Variants in DPYD observed in about 807,000 individuals in gnomAD.
The protein encoded by DPYD is dihydropyrimidine dehydrogenase [NADP(+)].
In DPYD, 109 loss-of-function variants were observed where a neutral mutation model predicts 116.2. That is an observed-to-expected ratio of 0.94 (90% CI 0.80 to 1.10). DPYD has a LOEUF of 1.10. Among genes scored for constraint, DPYD ranks in the 50% least tolerant of loss-of-function variants. DPYD has a pLI of 0.00. For synonymous variants in DPYD, 440 were observed against 432.0 expected, an observed-to-expected ratio of 1.02 and a Z score of -0.23; for missense variants, 1,302 against 1,254.5, an observed-to-expected ratio of 1.04 and a Z score of -0.57.
chr1:97,609,905 A>G (rs1655828178), intron 8 of DPYD, among the ~76,000 whole-genome samples: 1 of 152,018 alleles, frequency 6.6e-6, no homozygotes. Flanking sequence ...GATTTTAGGT[A>G]AGCCACACCC....
At chr1:97,477,713 C>T (rs373442044) in intron 13 of DPYD, among the ~76,000 whole-genome samples, 4 of 150,238 alleles carry the variant, frequency 2.7e-5, no homozygotes, top group Non-Finnish European at 5.9e-5. Flanking sequence ...CTCTGCTTCC[C>T]GGGTTCACGC....
At chr1:97,285,874 A>G (rs1211838000) in intron 18 of DPYD, among the ~76,000 whole-genome samples, 1 of 152,116 alleles carries the variant, frequency 6.6e-6, no homozygotes, top group African/African-American at 2.4e-5. Context: ...CGAGTGTCCA[A>G]TCACAAACCT....
intron 8 of DPYD, among the ~76,000 whole-genome samples, chr1:97,655,211 T>C (rs989649380): frequency 1.3e-5 from 2 of 152,200 alleles, no homozygotes; most frequent in Non-Finnish European, 2.9e-5. Context: ...AAAAAAACTT[T>C]GGCAATTAAT....
At chr1:97,449,916 CTT>C (rs1676313289) in intron 14 of DPYD, 141 bp downstream of exon 14, 3 of 1,049,234 alleles carry the variant, frequency 2.9e-6, no homozygotes, top group Non-Finnish European at 4.1e-6. Context: ...TCTTTTTTAT[CTT>C]TCTATGCATC....
At chr1:97,444,770 T>C (rs1320687644) in intron 14 of DPYD, among the ~76,000 whole-genome samples, 1 of 152,162 alleles carries the variant, frequency 6.6e-6, no homozygotes, top group African/African-American at 2.4e-5. Flanking sequence ...CTACTGGACA[T>C]AGGTTCTTAA....
intron 5 of DPYD, among the ~76,000 whole-genome samples, chr1:97,716,167 T>C (rs938641105): frequency 6.6e-6 from 1 of 152,102 alleles, no homozygotes; most frequent in Non-Finnish European, 1.5e-5. Context: ...TGTATTAGTG[T>C]ATATTTACCA....
Position 97,515,857 on chromosome 1 carries a change from T to C in DPYD, c.1609A>G (p.Met537Val). 1 of 1,612,976 alleles carries C rather than the reference T, an allele frequency of 6.2e-7. No individual in the cohort carries two copies. The highest frequency in any genetic ancestry group is 8.5e-7 in the Non-Finnish European group (1 of 1,179,278). Residue 537 changes from methionine (M) to valine (V), a missense_variant, in exon 13 of 23, where the codon ATG (methionine) becomes GTG (valine). Met to Val is a conservative substitution (Grantham distance 21). Transcript: ENST00000370192. ...PIDLVDISVE[M>V]AGLKFINPFG... ...GGATTTATAAACTTCAATCCGGCCA[T>C]TTCTACACTAATGTCCACCAGATCA...
At chr1:97,396,963 G>A (rs1344880522) in intron 14 of DPYD, among the ~76,000 whole-genome samples, 3 of 151,946 alleles carry the variant, frequency 2.0e-5, no homozygotes, top group South Asian at 2.1e-4. Context: ...TCAGATAGAT[G>A]TTTATTTATA....
chr1:97,378,841 A>C (rs910800705), intron 15 of DPYD, among the ~76,000 whole-genome samples: 1 of 152,328 alleles, frequency 6.6e-6, no homozygotes, highest in South Asian at 2.1e-4. Flanking sequence ...GTAGTGGCCA[A>C]TGACACAACT....
intron 6 of DPYD, among the ~76,000 whole-genome samples, chr1:97,692,500 T>C (rs939080642): frequency 6.6e-6 from 1 of 152,186 alleles, no homozygotes; most frequent in Non-Finnish European, 1.5e-5. Context: ...AAAAACACTT[T>C]CCAGTGTTTT....
intron 3 of DPYD, among the ~76,000 whole-genome samples, chr1:97,786,576 A>G (rs928490713): frequency 2.6e-5 from 4 of 152,208 alleles, no homozygotes; most frequent in African/African-American, 9.6e-5. Flanking sequence ...CACACACAAG[A>G]TGAGGGCCCT....
chr1:97,461,713 A>T (rs1677043557), intron 13 of DPYD, among the ~76,000 whole-genome samples: 1 of 152,224 alleles, frequency 6.6e-6, no homozygotes, highest in Admixed American at 6.5e-5. Flanking sequence ...ACTCAATAGC[A>T]TTCTTTCATA....
At chr1:97,872,954 G>T (rs1454195035) in intron 2 of DPYD, among the ~76,000 whole-genome samples, 1 of 151,784 alleles carries the variant, frequency 6.6e-6, no homozygotes, top group Non-Finnish European at 1.5e-5. Flanking sequence ...CTACTCTCGT[G>T]AAATTCCTCT....
intron 8 of DPYD, among the ~76,000 whole-genome samples, chr1:97,642,081 A>G (rs1281822345): frequency 6.6e-6 from 1 of 152,196 alleles, no homozygotes; most frequent in Non-Finnish European, 1.5e-5. Flanking sequence ...ACTATAAACC[A>G]CTGCTCAAGG....
At chr1:97,897,488 G>C (rs761567486) in intron 1 of DPYD, among the ~76,000 whole-genome samples, 3 of 151,546 alleles carry the variant, frequency 2.0e-5, no homozygotes, top group Non-Finnish European at 4.4e-5. Flanking sequence ...CTCATCTCTG[G>C]GGAAATTCCA....
At chr1:97,280,091 T>A (rs1174208069) in intron 18 of DPYD, 3 of 152,172 alleles carry the variant, frequency 2.0e-5, no homozygotes, top group Non-Finnish European at 4.4e-5. Flanking sequence ...TCCTCTGCAA[T>A]AAAGCTCCCT....
rs536473000 is a variant in DPYD, at chr1:97,815,594, C to A, written c.233+12520G>T. On this transcript the variant is annotated intron_variant, in intron 3 of 22. Coordinates refer to ENST00000370192, the MANE Select transcript of DPYD (RefSeq NM_000110.4). The stretch of plus-strand genomic sequence containing the variant: ...ACACAGAGCACTCTCACTGAACAGA[C>A]AGCAAGAGATGTCCAGGTGGAGTGG... Among the ~76,000 whole-genome samples the A allele has an allele frequency of 3.3e-5, 5 of 152,246 alleles. No individual in the cohort carries two copies. In the South Asian group the frequency reaches 1.0e-3, roughly 32 times the overall value.
rs112572193 is a variant in DPYD, at chr1:97,834,755, G to A, written c.151-6559C>T. ...GTAGTTAGAATTTCCTAAGGTCTAG[G>A]TTCCTCTAAAAAAAAAAAAATGAGT... On this transcript the variant is annotated intron_variant, in intron 2 of 22. Coordinates refer to ENST00000370192, the MANE Select transcript of DPYD (RefSeq NM_000110.4). Among the ~76,000 whole-genome samples the A allele has an allele frequency of 7.2e-3, 1,087 of 150,454 alleles. 9 individuals carry two copies. Among genetic ancestry groups the A allele is most frequent in the African/African-American group, 0.025 (1,039 of 40,940 alleles).
chr1:97,554,813 T>G (rs571367855), intron 11 of DPYD, among the ~76,000 whole-genome samples: 8 of 152,154 alleles, frequency 5.3e-5, no homozygotes, highest in Non-Finnish European at 1.2e-4. Flanking sequence ...TTCATTGTTT[T>G]CCTTCTGCCA....
Sources: gnomAD v4.1 joint callset for allele counts (sites outside exome capture counted in the v4.1 genomes callset) on GRCh38, gnomAD v4.1.1 for gene constraint, MANE v1.5 for transcripts, NCBI Gene and HGNC (gene_info 2026-07-23, HGNC 2026-07-21) for gene names.